The following RELA variants were observed in gnomAD, a reference collection of about 807,000 sequenced individuals.
RELA encodes RELA proto-oncogene, NF-kB subunit.
RELA carries 14 observed loss-of-function variants against 56.7 expected under a neutral mutation model. The ratio of observed to expected loss-of-function variants is 0.25; its 90% CI spans 0.16 to 0.39. The LOEUF (loss-of-function observed/expected upper bound fraction) is 0.39, where lower values mean the gene tolerates loss of function less well. Among genes scored for constraint, RELA ranks in the 10% least tolerant of loss-of-function variants. The probability of loss-of-function intolerance (pLI) is 1.00; values close to 1 mark genes in which losing one functional copy is unlikely to be tolerated. For synonymous variants in RELA, 315 were observed against 289.7 expected, an observed-to-expected ratio of 1.09 and a Z score of -0.89; for missense variants, 559 against 736.4, an observed-to-expected ratio of 0.76 and a Z score of 2.79.
At position 65,654,133 on chromosome 11, in the gene RELA, G is replaced by GAAA. The variant is rs756693185; in HGVS notation, c.*242_*244dup. The GAAA allele has an allele frequency of 7.6e-4, 434 of 572,396 alleles. 3 individuals are homozygous for GAAA. The highest frequency in any genetic ancestry group is 1.5e-3 in the Middle Eastern group (3 of 2,058). The allele number at this position is 572,396 out of a possible 1,614,324, so 35.5% of individuals were successfully genotyped here. A position where few individuals can be genotyped will look rare whatever the true frequency, so the allele number is the denominator to read the frequency against. On this transcript the variant is annotated 3_prime_UTR_variant, in exon 11 of 11. Transcript: ENST00000406246. Reference sequence around the variant, plus strand: ...AAGGGAGCTGACCATCAGGACAGGGGAAAAGTTTGAGTTTCCCCAGCTCCC... The same window carrying GAAA: ...AAGGGAGCTGACCATCAGGACAGGGGAAAAAAAGTTTGAGTTTCCCCAGCTCCC...
chr11:65,659,712 C>G lies in RELA; in HGVS notation c.513G>C (p.Arg171Ser), dbSNP rs746111744. 6.2e-7 allele frequency: 1 copy of G among 1,613,924 alleles called. No homozygotes were observed. The highest frequency in any genetic ancestry group is 8.5e-7 in the Non-Finnish European group (1 of 1,180,020). Residue 171 changes from arginine (R) to serine (S), a missense_variant, in exon 6 of 11, where the codon AGG becomes AGC. Arg to Ser is a moderately radical substitution (Grantham distance 110, BLOSUM62 -1). Around this residue, in one of 4 missense-constraint regions of RELA, gnomAD observed 149 missense variants for 256.0 expected, o/e 0.58. Coordinates refer to ENST00000406246, the MANE Select transcript of RELA (RefSeq NM_021975.4). ...FQVTVRDPSG[R>S]PLRLPPVLSH... ...AAAGGACAGGCGGCAGGCGGAGGGG[C>G]CTGCCTGATGGGTCCCGCACTGTCA... is the stretch of plus-strand genomic sequence containing the variant.
At chr11:65,660,240 C>T (rs763727991) in intron 4 of RELA, 25 bp from the exon 5 acceptor site, 4 of 1,609,454 alleles carry the variant, frequency 2.5e-6, no homozygotes, top group Non-Finnish European at 3.4e-6. Context: ...TCGTCTGTCC[C>T]ACTGTCTCTC....
At chr11:65,659,594 ACACT>A in intron 6 of RELA, 68 bp downstream of exon 6, 2 of 1,588,204 alleles carry the variant, frequency 1.3e-6, no homozygotes, top group Non-Finnish European at 1.7e-6. Flanking sequence ...CTTGCAGGCC[ACACT>A]CACCCCAACC....
intron 10 of RELA, 32 bp from the exon 11 acceptor site, chr11:65,655,032 G>T: frequency 6.5e-7 from 1 of 1,543,340 alleles, no homozygotes; most frequent in South Asian, 1.2e-5. Flanking sequence ...GCAGGGGTCA[G>T]AGAAAGCCCT....
At chr11:65,662,438 G>A in intron 1 of RELA, 1 of 531,458 alleles carries the variant, frequency 1.9e-6, no homozygotes, top group Non-Finnish European at 3.2e-6. Flanking sequence ...AGCTGAATCA[G>A]GGCCTGTTGT....
chr11:65,655,548 A>G (rs1450623003), intron 10 of RELA, 140 bp downstream of exon 10: 2 of 752,442 alleles, frequency 2.7e-6, no homozygotes, highest in Non-Finnish European at 4.5e-6. Flanking sequence ...CATCCCAGGA[A>G]GTCGCTGGTT....
rs11557248 is a variant in RELA, at chr11:65,661,735, C to T, written c.287G>A (p.Arg96Gln). Reference protein sequence around the residue: ...HPHELVGKDCRDGFYEAELCP... With the variant: ...HPHELVGKDCQDGFYEAELCP... ...GAGCTCAGCCTCATAGAAGCCATCCCGGCAGTCCTTTCCTACAAGCTCGTG... is the reference window on the plus strand; with the variant it reads ...GAGCTCAGCCTCATAGAAGCCATCCTGGCAGTCCTTTCCTACAAGCTCGTG... The change falls in exon 4 of 11, where the codon CGG (arginine) becomes CAG (glutamine). Residue 96 changes from arginine to glutamine, a missense_variant. Arg to Gln is a conservative substitution (Grantham distance 43). Coordinates refer to ENST00000406246, the MANE Select transcript of RELA (RefSeq NM_021975.4). 1.1e-5 allele frequency: 17 copies of T among 1,613,110 alleles called. No homozygotes were observed. The highest frequency in any genetic ancestry group is 1.2e-5 in the Non-Finnish European group (14 of 1,179,514).
chr11:65,657,402 G>C (rs78872617), intron 8 of RELA, among the ~76,000 whole-genome samples: 1 of 149,570 alleles, frequency 6.7e-6, no homozygotes, highest in Non-Finnish European at 1.5e-5. Context: ...TCCCTGCTTT[G>C]AGTCTGTCTG....
In RELA at chr11:65,658,290, T is replaced by C. The variant is rs759945679; in HGVS notation, c.874A>G (p.Thr292Ala). The change falls in exon 8 of 11, where the codon ACA becomes GCA. Residue 292 changes from threonine to alanine, a missense_variant. Physicochemically the swap from Thr to Ala is moderately conservative, Grantham distance 58 (BLOSUM62 0). Coordinates refer to ENST00000406246, the MANE Select transcript of RELA (RefSeq NM_021975.4). This position sits in a 1 kb window ranked among gnomAD's most constrained non-coding sequence, Gnocchi z 4.5. The part of the protein sequence containing the change: ...EPMEFQYLPD[T>A]DDRHRIEEKR... ...TGCTGCCACCCCAGCTGTGTACCTG[T>C]ATCTGGCAGGTACTGGAATTCCATG... 2 of 1,591,628 alleles carry C rather than the reference T, an allele frequency of 1.3e-6. No individual in the cohort carries two copies. The highest frequency in any genetic ancestry group is 2.7e-5 in the African/African-American group (2 of 74,740).
chr11:65,654,030 C>T lies in RELA; in HGVS notation c.*348G>A. ...GGCTTTGTGGGCTCAAAGGCCTTAC[C>T]TCCAGCCTGCTTCTGTCTCTAGGAG... On this transcript the variant is annotated 3_prime_UTR_variant, in exon 11 of 11. Transcript: ENST00000406246. 2.7e-6 allele frequency: 1 copy of T among 367,776 alleles called. No homozygotes were observed. Among genetic ancestry groups the T allele is most frequent in the Non-Finnish European group, 5.1e-6 (1 of 195,192 alleles). The allele number at this position is 367,776 out of a possible 1,614,324, so 22.8% of individuals were successfully genotyped here. A position where few individuals can be genotyped will look rare whatever the true frequency, so the allele number is the denominator to read the frequency against.
intron 6 of RELA, among the ~76,000 whole-genome samples, 177 bp downstream of exon 6, chr11:65,659,489 C>G (rs957846801): frequency 6.6e-6 from 1 of 152,198 alleles, no homozygotes; most frequent in Non-Finnish European, 1.5e-5. Context: ...AAGGACAGCT[C>G]TGGGTCTTCT....
At chr11:65,660,059 T>G in intron 5 of RELA, 65 bp downstream of exon 5, 1 of 1,485,898 alleles carries the variant, frequency 6.7e-7, no homozygotes, top group Non-Finnish European at 9.4e-7. Context: ...GTGAGGGAGA[T>G]GCAGGAAAGG....
rs1856607361 is a variant in RELA, at chr11:65,662,772, A to C, written c.7+54T>G. On this transcript the variant is annotated intron_variant, in intron 1 of 10. Transcript: ENST00000406246. ...GGAAAGCGGCGCGGGGGCTCCCGCC[A>C]CAGCCGCGGCGGCCCCGGCGATGCC... 7 of 1,188,866 alleles carry C rather than the reference A, an allele frequency of 5.9e-6. No individual in the cohort carries two copies. The South Asian group carries it at 2.9e-4, about 50-fold the overall frequency. 73.6% of individuals were successfully genotyped at this position (1,188,866 alleles called of 1,614,324 possible).
chr11:65,655,659 G>A (rs749526775), intron 10 of RELA, 29 bp downstream of exon 10: 19 of 1,608,280 alleles, frequency 1.2e-5, no homozygotes, highest in South Asian at 4.4e-5. Flanking sequence ...TGAACCTGTC[G>A]TTCCAGTGGG....
intron 5 of RELA, 112 bp downstream of exon 5, chr11:65,660,012 T>C: frequency 8.1e-7 from 1 of 1,228,544 alleles, no homozygotes; most frequent in Non-Finnish European, 1.2e-6. Context: ...GAGTACTGAA[T>C]GGGCACCAAG....
rs1311043772 is a variant in RELA at position 65,662,224 on chromosome 11, C to T, written c.8-19G>A. ...AACAGTTCTGAAAGGGGAGGGAGAT[C>T]AGGGTCAGCACACACCCAATGCCCA... On this transcript the variant is annotated intron_variant, in intron 1 of 10. Coordinates refer to ENST00000406246, the MANE Select transcript of RELA (RefSeq NM_021975.4). 4 of 1,553,496 alleles carry T rather than the reference C, an allele frequency of 2.6e-6. No individual in the cohort carries two copies. The African/African-American group carries it at 4.2e-5, about 16-fold the overall frequency.
At chr11:65,657,214 A>G (rs1414776813) in intron 8 of RELA, among the ~76,000 whole-genome samples, 3 of 152,154 alleles carry the variant, frequency 2.0e-5, no homozygotes, top group Non-Finnish European at 4.4e-5. Context: ...AGCAGAGGCA[A>G]CAGCTAGACA....
At position 65,659,806 on chromosome 11, in the gene RELA, A is replaced by G; in HGVS notation, c.428-9T>C. ...CTGCTCTTCTATAGGAACTGCCAAG[A>G]AAACAGGCGATCAGGAGAGCAGGGG... On this transcript the variant is annotated splice_polypyrimidine_tract_variant and intron_variant, in intron 5 of 10. Transcript: ENST00000406246. 1 of 1,607,262 alleles carries G rather than the reference A, an allele frequency of 6.2e-7. No individual in the cohort carries two copies. The highest frequency in any genetic ancestry group is 8.5e-7 in the Non-Finnish European group (1 of 1,176,464).
At chr11:65,661,623 C>G in intron 4 of RELA, 64 bp downstream of exon 4, 1 of 1,445,830 alleles carries the variant, frequency 6.9e-7, no homozygotes, top group South Asian at 1.3e-5. Context: ...AACACTGTAG[C>G]GGCTACTTCA....
Sources: allele counts gnomAD v4.1 joint callset (sites outside exome capture counted in the v4.1 genomes callset), GRCh38; gene constraint gnomAD v4.1.1; regional missense constraint gnomAD v4.1.1; non-coding constraint Gnocchi (gnomAD v3.1); transcripts MANE v1.5; gene names NCBI Gene and HGNC (gene_info 2026-07-23, HGNC 2026-07-21).